BCL6: variants seen among roughly 807,000 people sequenced by gnomAD.
BCL6 encodes the protein B-cell lymphoma 6 protein.
In BCL6, 7 loss-of-function variants were observed where a neutral mutation model predicts 59.5. The observed-to-expected ratio is 0.12, with a 90% CI of 0.07 to 0.22. The LOEUF (loss-of-function observed/expected upper bound fraction) is 0.22, where lower values mean the gene tolerates loss of function less well. Ranked by LOEUF, BCL6 falls within the 10% of genes least tolerant of loss-of-function variation. BCL6 has a pLI of 1.00. For synonymous variants in BCL6, 339 were observed against 349.7 expected (o/e 0.97, Z 0.34); for missense variants, 685 against 939.4 (o/e 0.73, Z 3.54).
rs560575937 is a variant in BCL6 at position 187,731,610 on chromosome 3, C to A, written c.383+99G>T. The A allele has an allele frequency of 5.7e-5, 67 of 1,166,494 alleles. No individual in the cohort carries two copies. In the South Asian group the frequency reaches 8.9e-4, roughly 16 times the overall value. The allele number at this position is 1,166,494 out of a possible 1,614,324, so 72.3% of individuals were successfully genotyped here. On this transcript the variant is annotated intron_variant, in intron 4 of 9. Transcript: ENST00000406870. ...AGTGGAAATGTGGGTTGCAGCATAT[C>A]ATAGAGGAGTATTTTTTCTGTATGC...
intron 1 of BCL6, among the ~76,000 whole-genome samples, chr3:187,744,597 CAA>C (rs1711797172): frequency 6.6e-6 from 1 of 152,006 alleles, no homozygotes; most frequent in African/African-American, 2.4e-5. Flanking sequence ...AACAAAAACC[CAA>C]AGAGTTCGCT....
intron 2 of BCL6, chr3:187,734,468 TAA>T (rs1031689380): frequency 6.6e-6 from 1 of 152,326 alleles, no homozygotes; most frequent in African/African-American, 2.4e-5. Context: ...TATGTGGTTA[TAA>T]AAGTTAGAAA....
chr3:187,726,663 C>T, intron 7 of BCL6, 68 bp downstream of exon 7: 2 of 1,572,298 alleles, frequency 1.3e-6, no homozygotes, highest in Non-Finnish European at 1.7e-6. Context: ...ACAGCTTTCT[C>T]TAGGATCCTC....
At chr3:187,732,031 A>G (rs1288392596) in intron 3 of BCL6, 101 bp from the exon 4 acceptor site, 13 of 970,104 alleles carry the variant, frequency 1.3e-5, no homozygotes, top group Non-Finnish European at 1.3e-5. Flanking sequence ...GCCTACCTCC[A>G]GAACTTCTAC....
intron 4 of BCL6, among the ~76,000 whole-genome samples, chr3:187,731,124 C>T (rs370109555): frequency 1.3e-5 from 2 of 152,244 alleles, no homozygotes; most frequent in African/African-American, 4.8e-5. Context: ...TCTTATCACC[C>T]CTCAGGTAGG....
Position 187,729,057 on chromosome 3 carries a change from C to T in BCL6, c.1348G>A (p.Val450Ile), listed in dbSNP as rs201771435. Residue 450 changes from valine to isoleucine, a missense_variant, in exon 5 of 10, where the codon GTT becomes ATT. Physicochemically the swap from Val to Ile is conservative, Grantham distance 29. Transcript: ENST00000406870. The surrounding 1 kb of genome is among the most constrained non-coding windows in gnomAD (Gnocchi z 5.6). ...IPQASRLNNI[V>I]NRSMTGSPRS... The stretch of plus-strand genomic sequence containing the variant: ...GACAGTCTCTGAAATCACCTGTTAA[C>T]GATGTTATTGAGCCGGCTGGCTTGT... 2.4e-5 allele frequency: 37 copies of T among 1,523,642 alleles called. No homozygotes were observed. Among genetic ancestry groups the T allele is most frequent in the African/African-American group, 2.8e-5 (2 of 71,918 alleles). 94.4% of individuals were successfully genotyped at this position (1,523,642 alleles called of 1,614,324 possible).
chr3:187,744,461 A>C, intron 1 of BCL6, among the ~76,000 whole-genome samples: 1 of 152,252 alleles, frequency 6.6e-6, no homozygotes, highest in Middle Eastern at 3.4e-3. Flanking sequence ...CCCGCCCCCA[A>C]GCTCCCCAAA....
intron 1 of BCL6, among the ~76,000 whole-genome samples, chr3:187,744,893 G>C (rs542969829): frequency 2.6e-5 from 4 of 152,252 alleles, no homozygotes; most frequent in Admixed American, 6.5e-5. Context: ...CCGTACGCAA[G>C]CAGCAGCAGA....
Position 187,733,566 on chromosome 3 carries a change from A to T in BCL6, c.128T>A (p.Phe43Tyr). Reference sequence around the variant, plus strand: ...CATGAGGACCGTTTTATGGGCTCTAAACTGCTCACGGCTCACAACAATGAC... The same window carrying T: ...CATGAGGACCGTTTTATGGGCTCTATACTGCTCACGGCTCACAACAATGAC... ...DVVIVVSREQ[F>Y]RAHKTVLMAC... Residue 43 changes from phenylalanine to tyrosine, a missense_variant, in exon 3 of 10, where the codon TTT becomes TAT. This residue lies in a region of BCL6 where 102 missense variants were observed against 176.6 expected (regional missense o/e 0.58). Transcript: ENST00000406870. The T allele has an allele frequency of 6.2e-7, 1 of 1,614,122 alleles. No homozygotes were observed. The highest frequency in any genetic ancestry group is 8.5e-7 in the Non-Finnish European group (1 of 1,180,024).
chr3:187,726,158 G>A (rs772109536), intron 7 of BCL6, among the ~76,000 whole-genome samples: 9 of 152,130 alleles, frequency 5.9e-5, no homozygotes, highest in East Asian at 5.8e-4. Context: ...AGATTTTTCC[G>A]CTTGTGGCAA....
At position 187,740,480 on chromosome 3, in the gene BCL6, T is replaced by TAGG. The variant is rs1711546770; in HGVS notation, c.-50+4929_-50+4930insCCT. On this transcript the variant is annotated intron_variant, in intron 1 of 9. Coordinates refer to ENST00000406870, the MANE Select transcript of BCL6 (RefSeq NM_001706.5). Reference sequence around the variant, plus strand: ...TCCTCCAAGACTGCTGGGGAGCGGTTTCCAATGAACACTGGCAACAAAGGT... The same window carrying TAGG: ...TCCTCCAAGACTGCTGGGGAGCGGTTAGGTCCAATGAACACTGGCAACAAAGGT... 2.0e-5 allele frequency among the ~76,000 whole-genome samples: 3 copies of TAGG among 152,170 alleles called. No individual in the cohort carries two copies. In the East Asian group the frequency reaches 5.8e-4, roughly 29 times the overall value.
chr3:187,723,166 G>A (rs947095300), intron 9 of BCL6, among the ~76,000 whole-genome samples: 6 of 152,116 alleles, frequency 3.9e-5, no homozygotes, highest in Admixed American at 1.3e-4. Context: ...CTGAATTCAC[G>A]GAAATTCTGG....
chr3:187,745,142 A>G (rs13070121), intron 1 of BCL6, among the ~76,000 whole-genome samples: 4 of 152,190 alleles, frequency 2.6e-5, no homozygotes, highest in Middle Eastern at 3.4e-3. Context: ...TAAATACATA[A>G]CAATCTATAT....
intron 1 of BCL6, 49 bp from the exon 2 acceptor site, chr3:187,734,956 G>A (rs897609150): frequency 6.5e-6 from 1 of 152,674 alleles, no homozygotes; most frequent in Non-Finnish European, 1.5e-5. Context: ...ACGAATGTAA[G>A]ATTGTCCACT....
rs749562740 is a variant in BCL6, at chr3:187,729,499, T to C, written c.906A>G (p.Glu302=). Residue 302 remains glutamate (E), a synonymous_variant, in exon 5 of 10, where the codon GAA becomes GAG. Transcript: ENST00000406870. This position sits in a 1 kb window ranked among gnomAD's most constrained non-coding sequence, Gnocchi z 5.6. ...PYFPCDKASK[E]EERPSSEDEI... ...CATCTTCCGAGGAGGGTCTCTCTTC[T>C]TCTTTGCTGGCCTTGTCACAAGGGA... 7.4e-6 allele frequency: 12 copies of C among 1,613,416 alleles called. No homozygotes were observed. The highest frequency in any genetic ancestry group is 9.3e-6 in the Non-Finnish European group (11 of 1,179,782).
intron 1 of BCL6, among the ~76,000 whole-genome samples, chr3:187,744,376 C>T (rs1252220797): frequency 2.7e-5 from 4 of 150,666 alleles, no homozygotes; most frequent in East Asian, 4.0e-4. Context: ...TCGGGATGAG[C>T]AGGGAGAGCG....
chr3:187,734,400 T>G (rs762074362), intron 2 of BCL6: 1 of 152,842 alleles, frequency 6.5e-6, no homozygotes, highest in South Asian at 2.1e-4. Context: ...TGTGGGACTT[T>G]AAGCAGGTTG....
intron 3 of BCL6, chr3:187,732,342 C>T (rs1188190361): frequency 2.4e-6 from 1 of 421,410 alleles, no homozygotes; most frequent in Non-Finnish European, 4.7e-6. Flanking sequence ...TGCATTTACA[C>T]TTATTTTTAA....
At chr3:187,733,937 A>G (rs190578204) in intron 2 of BCL6, 11 of 530,702 alleles carry the variant, frequency 2.1e-5, no homozygotes, top group African/African-American at 1.7e-4. Context: ...GGGGAAAAGC[A>G]AAGGGAATGA....
Sources: allele counts gnomAD v4.1 joint callset (sites outside exome capture counted in the v4.1 genomes callset), GRCh38; gene constraint gnomAD v4.1.1; regional missense constraint gnomAD v4.1.1; non-coding constraint Gnocchi (gnomAD v3.1); transcripts MANE v1.5; gene names NCBI Gene and HGNC (gene_info 2026-07-23, HGNC 2026-07-21).